Variants in OSTF1 observed in about 807,000 individuals in gnomAD.
The protein encoded by OSTF1 is osteoclast stimulating factor 1, also known as osteoclast-stimulating factor 1.
OSTF1 carries 27 observed loss-of-function variants against 37.2 expected under a neutral mutation model. The observed-to-expected ratio is 0.73, with a 90% confidence interval of 0.54 to 1.00. The LOEUF is 1.00. Among genes scored for constraint, OSTF1 ranks in the 50% least tolerant of loss-of-function variants. The probability of loss-of-function intolerance (pLI) is 0.00; values close to 1 mark genes in which losing one functional copy is unlikely to be tolerated. For synonymous variants in OSTF1, 82 were observed against 89.2 expected (o/e 0.92, Z 0.46); for missense variants, 232 against 253.8 (o/e 0.91, Z 0.58).
Position 75,125,970 on chromosome 9 carries a change from C to T in OSTF1, c.82-1599C>T, listed in dbSNP as rs534202537. ...TGTCACTCAGGCTGGAGTGCCATGG[C>T]GTAATCTTGGCTCACTGCAACCTCT... On this transcript the variant is annotated intron_variant, in intron 2 of 9. Coordinates refer to ENST00000346234, the MANE Select transcript of OSTF1 (RefSeq NM_012383.5). 3.9e-5 allele frequency among the ~76,000 whole-genome samples: 6 copies of T among 152,208 alleles called. No homozygotes were observed. The East Asian group carries it at 9.7e-4, about 25-fold the overall frequency.
chr9:75,140,851 A>G lies in OSTF1; in HGVS notation c.505A>G (p.Arg169Gly). The change falls in exon 9 of 10, where the codon AGA (arginine) becomes GGA (glycine). Residue 169 changes from arginine to glycine, a missense_variant. Arg to Gly is a moderately radical substitution (Grantham distance 125). Coordinates refer to ENST00000346234, the MANE Select transcript of OSTF1 (RefSeq NM_012383.5). ...LLAKGARTDL[R>G]NIEKKLAFDM... ...TTGGGAAGGTGCTAGAACAGACTTA[A>G]GAAACATTGAGAAGAAGCTGGCCTT... 1 of 1,613,538 alleles carries G rather than the reference A, an allele frequency of 6.2e-7. No homozygotes were observed. The highest frequency in any genetic ancestry group is 1.1e-5 in the South Asian group (1 of 91,072).
chr9:75,112,775 T>G (rs1010250373), intron 1 of OSTF1, among the ~76,000 whole-genome samples: 2 of 152,224 alleles, frequency 1.3e-5, no homozygotes, highest in Non-Finnish European at 2.9e-5. Flanking sequence ...TGGGATCTTG[T>G]TTCCAAAATT....
chr9:75,130,856 T>G (rs1825751479), intron 4 of OSTF1, among the ~76,000 whole-genome samples: 1 of 152,196 alleles, frequency 6.6e-6, no homozygotes, highest in Non-Finnish European at 1.5e-5. Flanking sequence ...ATTTTAGCAT[T>G]CTTAACCCAA....
In OSTF1 at chr9:75,088,688, G is replaced by A. The variant is rs1189544942; in HGVS notation, c.-5G>A. 2 of 1,608,454 alleles carry A rather than the reference G, an allele frequency of 1.2e-6. No individual in the cohort carries two copies. Among genetic ancestry groups the A allele is most frequent in the African/African-American group, 2.7e-5 (2 of 74,756 alleles). On this transcript the variant is annotated 5_prime_UTR_variant, in exon 1 of 10. Transcript: ENST00000346234. ...TCTTTAGGATTTGCAGCTCCAGGAA[G>A]CGAGATGTCGAAGCCGCCACCCAAA...
intron 9 of OSTF1, among the ~76,000 whole-genome samples, chr9:75,142,575 T>A (rs1825960200): frequency 6.6e-6 from 1 of 151,306 alleles, no homozygotes. Flanking sequence ...TACTCAGGAG[T>A]GGTTTGAGTT....
At chr9:75,093,812 G>A (rs1010198) in intron 1 of OSTF1, among the ~76,000 whole-genome samples, 7,091 of 152,194 alleles carry the variant, frequency 0.047, 212 homozygotes, top group Middle Eastern at 0.082. Context: ...TTATAAACTT[G>A]ATACTTTTTA....
intron 2 of OSTF1, among the ~76,000 whole-genome samples, chr9:75,120,055 A>G (rs1359848561): frequency 6.6e-6 from 1 of 152,158 alleles, no homozygotes; most frequent in Non-Finnish European, 1.5e-5. Context: ...TTATCTCCAA[A>G]TACAGTCATA....
rs181360344 is a variant in OSTF1 at position 75,124,710 on chromosome 9, T to C, written c.82-2859T>C. On this transcript the variant is annotated intron_variant, in intron 2 of 9. Coordinates refer to ENST00000346234, the MANE Select transcript of OSTF1 (RefSeq NM_012383.5). ...TTCCCCCTGACTTTATTGCTTATTTTTATAAGAAAGACTCATTACCATGCT... is the reference window on the plus strand; with the variant it reads ...TTCCCCCTGACTTTATTGCTTATTTCTATAAGAAAGACTCATTACCATGCT... 2.0e-5 allele frequency among the ~76,000 whole-genome samples: 3 copies of C among 152,372 alleles called. No homozygotes were observed. In the East Asian group the frequency reaches 5.8e-4, roughly 29 times the overall value.
At chr9:75,146,539 G>C in intron 9 of OSTF1, 144 bp from the exon 10 acceptor site, 3 of 650,986 alleles carry the variant, frequency 4.6e-6, no homozygotes, top group Non-Finnish European at 8.0e-6. Flanking sequence ...AAAAGCAAAA[G>C]CAGAGAAAGA....
intron 6 of OSTF1, 137 bp downstream of exon 6, chr9:75,133,538 T>C (rs1825799528): frequency 3.4e-6 from 2 of 590,386 alleles, no homozygotes; most frequent in African/African-American, 3.7e-5. Context: ...GCCAAAACCC[T>C]TGTTCCTGGA....
intron 1 of OSTF1, among the ~76,000 whole-genome samples, chr9:75,109,481 A>C (rs955133243): frequency 2.6e-5 from 4 of 152,214 alleles, no homozygotes; most frequent in African/African-American, 9.7e-5. Flanking sequence ...AATAAGACAA[A>C]ATTTCACAAA....
rs186841816 is a variant in OSTF1, at chr9:75,132,796, G to A, written c.251-498G>A. Among the ~76,000 whole-genome samples the A allele has an allele frequency of 4.6e-5, 7 of 152,252 alleles. No homozygotes were observed. In the East Asian group the frequency reaches 1.2e-3, roughly 25 times the overall value. On this transcript the variant is annotated intron_variant, in intron 5 of 9. Coordinates refer to ENST00000346234, the MANE Select transcript of OSTF1 (RefSeq NM_012383.5). ...TGAGGATTTTAAATTAATAGTTATAGTTTAGCATATAAGAGCAGCAGCTTT... is the reference window on the plus strand; with the variant it reads ...TGAGGATTTTAAATTAATAGTTATAATTTAGCATATAAGAGCAGCAGCTTT...
intron 3 of OSTF1, among the ~76,000 whole-genome samples, chr9:75,130,298 G>A (rs1022444836): frequency 2.0e-5 from 3 of 152,194 alleles, no homozygotes; most frequent in Non-Finnish European, 2.9e-5. Flanking sequence ...CTAAACTAGC[G>A]TAATTTGTTT....
At chr9:75,125,181 G>A (rs911243377) in intron 2 of OSTF1, among the ~76,000 whole-genome samples, 3 of 152,128 alleles carry the variant, frequency 2.0e-5, no homozygotes, top group African/African-American at 7.2e-5. Flanking sequence ...TGTTAAAATT[G>A]CCAGCAAAGG....
At chr9:75,100,404 A>G (rs987431251) in intron 1 of OSTF1, among the ~76,000 whole-genome samples, 39 of 152,328 alleles carry the variant, frequency 2.6e-4, no homozygotes, top group African/African-American at 7.9e-4. Context: ...TCTTCTGGGC[A>G]TCCATCAGTG....
intron 5 of OSTF1, among the ~76,000 whole-genome samples, chr9:75,132,590 C>T (rs1050239954): frequency 2.6e-5 from 4 of 152,154 alleles, no homozygotes; most frequent in South Asian, 2.1e-4. Flanking sequence ...CTGAGAAACC[C>T]TGCTGTAGAT....
At chr9:75,132,974 C>T (rs932234920) in intron 5 of OSTF1, among the ~76,000 whole-genome samples, 2 of 8,818 alleles carry the variant, frequency 2.3e-4, no homozygotes, top group African/African-American at 5.4e-4. Flanking sequence ...CACACACATA[C>T]ACACACACAC....
intron 7 of OSTF1, among the ~76,000 whole-genome samples, chr9:75,135,201 A>G (rs11144245): frequency 0.23 from 34,421 of 152,078 alleles, 4,380 homozygotes; most frequent in Admixed American, 0.3. Flanking sequence ...GATTGATTAT[A>G]TGGCTGATCA....
chr9:75,103,177 C>T (rs1436032463), intron 1 of OSTF1, among the ~76,000 whole-genome samples: 1 of 152,138 alleles, frequency 6.6e-6, no homozygotes, highest in African/African-American at 2.4e-5. Context: ...CCTGTGGTCC[C>T]AGCTGCCCAG....
Sources: allele counts gnomAD v4.1 joint callset (sites outside exome capture counted in the v4.1 genomes callset), GRCh38; gene constraint gnomAD v4.1.1; transcripts MANE v1.5; gene names NCBI Gene and HGNC (gene_info 2026-07-23, HGNC 2026-07-21).